The following JMJD1C variants were observed in gnomAD, a reference collection of about 807,000 sequenced individuals.
JMJD1C encodes the protein jumonji domain containing 1C, also known as jumonji domain-containing protein 1C.
A neutral mutation model predicts 245.3 loss-of-function variants in JMJD1C; 31 were observed. That is an observed-to-expected ratio of 0.13 (90% confidence interval 0.09 to 0.17). The LOEUF is 0.17. Ranked by LOEUF, JMJD1C falls within the 10% of genes least tolerant of loss-of-function variation. The pLI is 1.00. For synonymous variants in JMJD1C, 1,057 were observed against 1,017.4 expected (o/e 1.04, Z -0.74); for missense variants, 2,691 against 3,000.2 (o/e 0.90, Z 2.41).
chr10:63,209,007 A>G lies in JMJD1C; in HGVS notation c.2867+56T>C, dbSNP rs140246758. 1.5e-4 allele frequency: 215 copies of G among 1,442,842 alleles called. No homozygotes were observed. The East Asian group carries it at 4.3e-3, about 29-fold the overall frequency. 89.4% of individuals were successfully genotyped at this position (1,442,842 alleles called of 1,614,324 possible). ...CTTAAAATTAACTATTTAAAAGGCA[A>G]ATTAAGAAAAATTATGAACAAGGTA... On this transcript the variant is annotated intron_variant, in intron 9 of 25. Transcript: ENST00000399262.
chr10:63,191,222 CCCAGGT>C, intron 16 of JMJD1C, 114 bp from the exon 17 acceptor site: 1 of 734,616 alleles, frequency 1.4e-6, no homozygotes, highest in South Asian at 1.7e-5. Flanking sequence ...ACCTCTGCCT[CCCAGGT>C]TCAAGTGGTT....
chr10:63,337,618 G>GAAAAAAAAA (rs1165859401), intron 2 of JMJD1C, among the ~76,000 whole-genome samples: 1 of 77,650 alleles, frequency 1.3e-5, no homozygotes, highest in Non-Finnish European at 2.2e-5. Flanking sequence ...GAAAAGAAAA[G>GAAAAAAAAA]AAAAGAAAAA....
chr10:63,268,681 A>G (rs1202600237), intron 2 of JMJD1C: 11 of 980,128 alleles, frequency 1.1e-5, no homozygotes, highest in Non-Finnish European at 1.3e-5. Context: ...TGAGAATTTT[A>G]AAGTATCTTT....
intron 1 of JMJD1C, among the ~76,000 whole-genome samples, chr10:63,421,405 G>A (rs1950118793): frequency 6.6e-6 from 1 of 152,182 alleles, no homozygotes; most frequent in African/African-American, 2.4e-5. Context: ...CCATAAAGTT[G>A]GCAATTATCT....
At chr10:63,407,673 TA>T (rs1300784217) in intron 1 of JMJD1C, among the ~76,000 whole-genome samples, 1 of 146,646 alleles carries the variant, frequency 6.8e-6, no homozygotes, top group Non-Finnish European at 1.5e-5. Flanking sequence ...AAAATATACA[TA>T]GGGAAAAATG....
At chr10:63,231,392 C>T (rs1849968936) in intron 3 of JMJD1C, among the ~76,000 whole-genome samples, 2 of 152,152 alleles carry the variant, frequency 1.3e-5, no homozygotes, top group African/African-American at 4.8e-5. Flanking sequence ...GAATTTCCTG[C>T]CAAACACAAT....
chr10:63,204,114 A>AGACT (rs1846332561), intron 10 of JMJD1C: 1 of 936,838 alleles, frequency 1.1e-6, no homozygotes, highest in East Asian at 1.2e-4. Context: ...CAATGTAGGG[A>AGACT]GACTGTCTCT....
chr10:63,494,128 C>A (rs1424721006), intron 1 of JMJD1C, among the ~76,000 whole-genome samples: 1 of 151,974 alleles, frequency 6.6e-6, no homozygotes, highest in African/African-American at 2.4e-5. Flanking sequence ...CTGACCAACA[C>A]GGAGAAACCC....
chr10:63,363,483 CAT>C (rs1589587472), intron 2 of JMJD1C, among the ~76,000 whole-genome samples: 2 of 151,758 alleles, frequency 1.3e-5, no homozygotes, highest in South Asian at 2.1e-4. Flanking sequence ...GCTGAGAACT[CAT>C]GAGTTCAGGG....
chr10:63,451,889 G>T (rs1336287280), intron 1 of JMJD1C, among the ~76,000 whole-genome samples: 3 of 152,166 alleles, frequency 2.0e-5, no homozygotes, highest in Non-Finnish European at 4.4e-5. Context: ...ATTAACAGAT[G>T]TAAGAAAATA....
chr10:63,358,014 A>G (rs1945010466), intron 2 of JMJD1C, among the ~76,000 whole-genome samples: 1 of 152,036 alleles, frequency 6.6e-6, no homozygotes, highest in Non-Finnish European at 1.5e-5. Flanking sequence ...TGGACAGGAG[A>G]AAAATGGAAT....
chr10:63,379,500 C>G (rs1309081086), intron 2 of JMJD1C, among the ~76,000 whole-genome samples: 1 of 152,078 alleles, frequency 6.6e-6, no homozygotes, highest in Non-Finnish European at 1.5e-5. Flanking sequence ...ATTATATTTT[C>G]TTAAATGAAA....
chr10:63,360,566 G>C (rs1945239241), intron 2 of JMJD1C, among the ~76,000 whole-genome samples: 1 of 151,968 alleles, frequency 6.6e-6, no homozygotes, highest in Non-Finnish European at 1.5e-5. Context: ...TTGACAATAG[G>C]TATGTTTAAT....
chr10:63,292,981 T>C (rs977492307), intron 2 of JMJD1C, among the ~76,000 whole-genome samples: 3 of 152,132 alleles, frequency 2.0e-5, no homozygotes, highest in East Asian at 1.9e-4. Context: ...GAGGCAGAGG[T>C]TGCAGTGAGC....
At chr10:63,220,646 C>T (rs966983405) in intron 3 of JMJD1C, among the ~76,000 whole-genome samples, 5 of 152,168 alleles carry the variant, frequency 3.3e-5, no homozygotes, top group African/African-American at 4.8e-5. Context: ...CATACAGTCA[C>T]GTGATTTCCC....
At chr10:63,378,199 A>G (rs1414819150) in intron 2 of JMJD1C, among the ~76,000 whole-genome samples, 2 of 152,058 alleles carry the variant, frequency 1.3e-5, no homozygotes, top group Non-Finnish European at 2.9e-5. Flanking sequence ...ATTATGACAA[A>G]ATTATCATTA....
chr10:63,499,430 G>A (rs1475368157), intron 1 of JMJD1C, among the ~76,000 whole-genome samples: 1 of 152,120 alleles, frequency 6.6e-6, no homozygotes, highest in East Asian at 1.9e-4. Flanking sequence ...TGCCTTTGGT[G>A]ACCTGCCTTT....
At chr10:63,480,694 T>C (rs1377399280) in intron 1 of JMJD1C, among the ~76,000 whole-genome samples, 1 of 152,076 alleles carries the variant, frequency 6.6e-6, no homozygotes, top group Non-Finnish European at 1.5e-5. Flanking sequence ...AGAGGCACCA[T>C]TTCTGACAGA....
Position 63,198,722 on chromosome 10 carries a change from G to A in JMJD1C, c.5282C>T (p.Ser1761Leu). The change falls in exon 12 of 26, where the codon TCA (serine) becomes TTA (leucine). Residue 1761 changes from serine to leucine, a missense_variant. Transcript: ENST00000399262. ...TCTAACTACTCCGTTTTTACTAAAT[G>A]ACAACCTGAAATATTAAAACATAAA... ...FCRFYYFRRL[S>L]FSKNGVVRID... is the part of the protein sequence containing the mutation. The A allele has an allele frequency of 1.3e-6, 2 of 1,578,340 alleles. No homozygotes were observed. Among genetic ancestry groups the A allele is most frequent in the Non-Finnish European group, 1.7e-6 (2 of 1,159,070 alleles).
Sources: allele counts gnomAD v4.1 joint callset (sites outside exome capture counted in the v4.1 genomes callset), GRCh38; gene constraint gnomAD v4.1.1; transcripts MANE v1.5; gene names NCBI Gene and HGNC (gene_info 2026-07-23, HGNC 2026-07-21).